Variants in ERICH6 observed in about 807,000 individuals in gnomAD.
ERICH6 encodes glutamate-rich protein 6.
A neutral mutation model predicts 71.0 loss-of-function variants in ERICH6; 71 were observed. The ratio of observed to expected loss-of-function variants is 1.00; its 90% CI spans 0.83 to 1.22. The LOEUF (loss-of-function observed/expected upper bound fraction) is 1.22. Among genes scored for constraint, ERICH6 ranks in the 50% most tolerant of loss-of-function variants. The probability of loss-of-function intolerance (pLI) is 0.00; values close to 1 mark genes in which losing one functional copy is unlikely to be tolerated. For synonymous variants in ERICH6, 262 were observed against 278.4 expected, an observed-to-expected ratio of 0.94 and a Z score of 0.59; for missense variants, 808 against 797.2, an observed-to-expected ratio of 1.01 and a Z score of -0.16.
rs545073203 is a variant in ERICH6, at chr3:150,695,790, T to C, written c.553+3001A>G. Among the ~76,000 whole-genome samples the C allele has an allele frequency of 6.6e-5, 10 of 150,694 alleles. No homozygotes were observed. In the South Asian group the frequency reaches 2.1e-3, roughly 31 times the overall value. On this transcript the variant is annotated intron_variant, in intron 3 of 13. Transcript: ENST00000295910. ...ATATAGTATATACTATATATATATA[T>C]ATGAAGATCAGAAACAAAATGGAGA...
intron 9 of ERICH6, among the ~76,000 whole-genome samples, chr3:150,678,953 A>ATTGC (rs371941017): frequency 3.4e-4 from 51 of 149,438 alleles, no homozygotes; most frequent in African/African-American, 1.2e-3. Flanking sequence ...AGGCAGGAAA[A>ATTGC]TTGAACCGGG....
intron 7 of ERICH6, 48 bp from the exon 8 acceptor site, chr3:150,680,978 G>A (rs772307098): frequency 6.7e-7 from 1 of 1,494,982 alleles, no homozygotes; most frequent in Non-Finnish European, 8.9e-7. Flanking sequence ...TAGATGAGGA[G>A]GATTAGAGGG....
chr3:150,702,485 C>A (rs937137716), intron 1 of ERICH6, among the ~76,000 whole-genome samples: 6 of 152,072 alleles, frequency 3.9e-5, no homozygotes, highest in Non-Finnish European at 7.4e-5. Flanking sequence ...ACCATGTTAG[C>A]CAGAATGGTC....
In ERICH6 at chr3:150,664,085, A is replaced by T. The variant is rs1056164775; in HGVS notation, c.1728+2702T>A. Among the ~76,000 whole-genome samples, 4 of 152,154 alleles carry T rather than the reference A, an allele frequency of 2.6e-5. No individual in the cohort carries two copies. The East Asian group carries it at 7.7e-4, about 29-fold the overall frequency. ...TAATCAGGCCAGAAAAATGAGAAGA[A>T]ACAGCCTGTGAGGTACAGGGAAAAT... On this transcript the variant is annotated intron_variant, in intron 13 of 13. Coordinates refer to ENST00000295910, the MANE Select transcript of ERICH6 (RefSeq NM_152394.5).
Position 150,659,891 on chromosome 3 carries a change from G to A in ERICH6, c.*1C>T. The A allele has an allele frequency of 6.3e-7, 1 of 1,595,332 alleles. No homozygotes were observed. The highest frequency in any genetic ancestry group is 1.1e-5 in the South Asian group (1 of 87,462). ...ACAAATGAAAGCACCATCATTCTTA[G>A]TTAAATTTCTTCATTTATTATATTT... On this transcript the variant is annotated 3_prime_UTR_variant, in exon 14 of 14. Transcript: ENST00000295910.
Position 150,673,957 on chromosome 3 carries a change from A to C in ERICH6, c.1342T>G (p.Phe448Val), listed in dbSNP as rs761919387. The C allele has an allele frequency of 6.2e-7, 1 of 1,613,492 alleles. No homozygotes were observed. Among genetic ancestry groups the C allele is most frequent in the East Asian group, 2.2e-5 (1 of 44,872 alleles). The change falls in exon 11 of 14, where the codon TTC becomes GTC. Residue 448 changes from phenylalanine (F) to valine (V), a missense_variant and splice_region_variant. Phe to Val is a conservative substitution (Grantham distance 50). Coordinates refer to ENST00000295910, the MANE Select transcript of ERICH6 (RefSeq NM_152394.5). ...TSFPDGTTQI[F>V]YPSGNLAIIR... ...AAATAACTTGTTGAAAGAGGATACA[A>C]TATTTGTGTTGTCCCATCTGGAAAT...
chr3:150,699,558 T>C (rs571974869), intron 2 of ERICH6, among the ~76,000 whole-genome samples: 1 of 152,100 alleles, frequency 6.6e-6, no homozygotes, highest in East Asian at 1.9e-4. Context: ...CATTCATTTA[T>C]AAATAAAAAT....
At chr3:150,688,752 GCTTTGAGTTGTCCCGC>G (rs937684263) in intron 3 of ERICH6, among the ~76,000 whole-genome samples, 13 of 152,264 alleles carry the variant, frequency 8.5e-5, no homozygotes, top group South Asian at 8.3e-4. Context: ...CCCCCTCCCG[GCTTTGAGTTGTCCCGC>G]CTTTGAGTTG....
chr3:150,683,962 G>T (rs1365188285), intron 6 of ERICH6, among the ~76,000 whole-genome samples: 1 of 152,340 alleles, frequency 6.6e-6, no homozygotes, highest in South Asian at 2.1e-4. Context: ...GGACGTCTTG[G>T]GGGAGAAGCC....
At chr3:150,672,928 G>C (rs1711520888) in intron 11 of ERICH6, among the ~76,000 whole-genome samples, 1 of 151,976 alleles carries the variant, frequency 6.6e-6, no homozygotes, top group Non-Finnish European at 1.5e-5. Flanking sequence ...AGGATGCTGA[G>C]TTGGGGGGAC....
intron 11 of ERICH6, among the ~76,000 whole-genome samples, chr3:150,669,902 C>T (rs1395370971): frequency 6.6e-6 from 1 of 152,072 alleles, no homozygotes; most frequent in Non-Finnish European, 1.5e-5. Flanking sequence ...CTACAAAAAG[C>T]CCACAGCTGG....
At chr3:150,701,991 TA>T (rs981545109) in intron 2 of ERICH6, 129 bp downstream of exon 2, 9 of 644,868 alleles carry the variant, frequency 1.4e-5, no homozygotes, top group Middle Eastern at 4.4e-4. Context: ...AGTGTATATT[TA>T]AAAAAAACTT....
intron 12 of ERICH6, among the ~76,000 whole-genome samples, chr3:150,667,503 G>A (rs1727469363): frequency 6.6e-6 from 1 of 152,164 alleles, no homozygotes; most frequent in Non-Finnish European, 1.5e-5. Context: ...TCCCATCATG[G>A]CTGAATGTGG....
At chr3:150,663,341 T>A (rs1179169711) in intron 13 of ERICH6, among the ~76,000 whole-genome samples, 1 of 152,216 alleles carries the variant, frequency 6.6e-6, no homozygotes, top group Non-Finnish European at 1.5e-5. Context: ...CGTTTAGAGT[T>A]GTGAAACTAC....
At chr3:150,701,346 T>C (rs1021968001) in intron 2 of ERICH6, among the ~76,000 whole-genome samples, 1 of 151,158 alleles carries the variant, frequency 6.6e-6, no homozygotes, top group Non-Finnish European at 1.5e-5. Flanking sequence ...ATGTCAGAAA[T>C]TGATAAACCA....
intron 3 of ERICH6, among the ~76,000 whole-genome samples, chr3:150,694,359 T>C (rs537629132): frequency 7.9e-5 from 12 of 152,248 alleles, no homozygotes; most frequent in Admixed American, 5.2e-4. Flanking sequence ...CAATTCACCA[T>C]GCCACAAGGA....
chr3:150,692,748 T>C (rs1397422320), intron 3 of ERICH6, among the ~76,000 whole-genome samples: 1 of 152,202 alleles, frequency 6.6e-6, no homozygotes, highest in Non-Finnish European at 1.5e-5. Flanking sequence ...GTCAATTGTG[T>C]CTTTGACTAT....
At chr3:150,700,257 T>TC (rs1219204069) in intron 2 of ERICH6, among the ~76,000 whole-genome samples, 1 of 149,010 alleles carries the variant, frequency 6.7e-6, no homozygotes, top group African/African-American at 2.5e-5. Flanking sequence ...TTTTTTTTTT[T>TC]TTTTTTTTTG....
chr3:150,694,606 C>A (rs1268392614), intron 3 of ERICH6, among the ~76,000 whole-genome samples: 1 of 152,146 alleles, frequency 6.6e-6, no homozygotes, highest in Non-Finnish European at 1.5e-5. Context: ...TCCTTCTGAC[C>A]TGCTTTTCCC....
Sources: allele counts gnomAD v4.1 joint callset (sites outside exome capture counted in the v4.1 genomes callset), GRCh38; gene constraint gnomAD v4.1.1; transcripts MANE v1.5; gene names NCBI Gene and HGNC (gene_info 2026-07-23, HGNC 2026-07-21).